TFEC: variants seen among roughly 807,000 people sequenced by gnomAD.
The protein encoded by TFEC is class E basic helix-loop-helix protein 34.
In TFEC, 31 loss-of-function variants were observed where a neutral mutation model predicts 41.6. The ratio of observed to expected loss-of-function variants is 0.74; its 90% CI spans 0.56 to 1.01. TFEC has a LOEUF of 1.01. TFEC is among the 50% of genes least tolerant of loss of function. TFEC has a pLI of 0.00. For missense variants in TFEC, 402 were observed against 404.1 expected (o/e 0.99, Z 0.04); for synonymous variants, 143 against 140.6 (o/e 1.02, Z -0.12).
intron 3 of TFEC, among the ~76,000 whole-genome samples, chr7:116,042,493 A>C (rs1796062821): frequency 6.6e-6 from 1 of 152,174 alleles, no homozygotes; most frequent in Non-Finnish European, 1.5e-5. Flanking sequence ...TGAAAGTAGA[A>C]CTTTGCAATT....
chr7:116,064,489 A>C (rs950608370), intron 3 of TFEC, among the ~76,000 whole-genome samples: 3 of 151,996 alleles, frequency 2.0e-5, no homozygotes, highest in Admixed American at 6.6e-5. Context: ...CCACAATAAT[A>C]AAGAAAAAAG....
intron 3 of TFEC, among the ~76,000 whole-genome samples, chr7:116,104,344 T>C (rs1797669045): frequency 6.6e-6 from 1 of 152,174 alleles, no homozygotes; most frequent in Non-Finnish European, 1.5e-5. Context: ...TATTAGATGC[T>C]GAGTCTCAGG....
intron 3 of TFEC, among the ~76,000 whole-genome samples, chr7:116,078,832 A>G (rs1310870019): frequency 6.6e-6 from 1 of 152,180 alleles, no homozygotes; most frequent in Non-Finnish European, 1.5e-5. Context: ...TCATTCTATG[A>G]AGTCAATATC....
At chr7:115,969,257 T>C (rs1347881047) in intron 3 of TFEC, among the ~76,000 whole-genome samples, 1 of 151,822 alleles carries the variant, frequency 6.6e-6, no homozygotes. Flanking sequence ...AAAATCCCTG[T>C]CTTCAAGGGG....
Position 116,127,090 on chromosome 7 carries a change from GTTTTTGT to G in TFEC, c.-68-15059_-68-15053del, listed in dbSNP as rs568486034. On this transcript the variant is annotated intron_variant, in intron 1 of 8. Transcript: ENST00000484212. ...AGTACATGTCTGGGCTTTGGTTTTTGTTTTTGTTTTTTGTTTTTTGTTTTTGAGACGG... is the reference window on the plus strand; with the variant it reads ...AGTACATGTCTGGGCTTTGGTTTTTGTTTTTGTTTTTTGTTTTTGAGACGG... Among the ~76,000 whole-genome samples, 305 of 149,346 alleles carry G rather than the reference GTTTTTGT, an allele frequency of 2.0e-3. 1 individual carries two copies. Among genetic ancestry groups the G allele is most frequent in the African/African-American group, 7.2e-3 (295 of 40,896 alleles).
At position 116,068,985 on chromosome 7, in the gene TFEC, A is replaced by C. The variant is rs374370376; in HGVS notation, c.198+41723T>G. Among the ~76,000 whole-genome samples, 23 of 151,858 alleles carry C rather than the reference A, an allele frequency of 1.5e-4. No individual in the cohort carries two copies. The East Asian group carries it at 2.9e-3, about 19-fold the overall frequency. ...GAACACAACTTGAAGAAAATAGAAA[A>C]CATAGGCAAATATGATTCTTTAAGA... is the stretch of plus-strand genomic sequence containing the variant. On this transcript the variant is annotated intron_variant, in intron 3 of 8. Transcript: ENST00000484212.
intron 3 of TFEC, among the ~76,000 whole-genome samples, chr7:116,088,229 C>CA (rs1327584095): frequency 4.6e-5 from 7 of 152,106 alleles, no homozygotes; most frequent in Non-Finnish European, 8.8e-5. Flanking sequence ...GACAACCACC[C>CA]ATCCCCACTC....
intron 3 of TFEC, among the ~76,000 whole-genome samples, chr7:116,093,938 AGGTTTTGGT>A (rs1174016139): frequency 6.6e-6 from 1 of 152,182 alleles, no homozygotes; most frequent in Non-Finnish European, 1.5e-5. Flanking sequence ...TTTGTGCATA[AGGTTTTGGT>A]GATTTTCCTT....
rs533825129 is a variant in TFEC, at chr7:116,001,444, G to A, written c.-72-16931C>T. 3.2e-4 allele frequency among the ~76,000 whole-genome samples: 49 copies of A among 150,998 alleles called. 1 individual carries two copies. The South Asian group carries it at 9.1e-3, about 28-fold the overall frequency. ...CTGGAGGCGGAAGTTGCAGTGAGCC[G>A]AGATCATGCCACTGCACTCCAGCCT... On this transcript the variant is annotated intron_variant, in intron 1 of 7. Coordinates refer to ENST00000265440, the MANE Select transcript of TFEC (RefSeq NM_012252.4).
chr7:116,020,115 G>C (rs896879751), intron 1 of TFEC, among the ~76,000 whole-genome samples: 9 of 152,172 alleles, frequency 5.9e-5, no homozygotes, highest in Non-Finnish European at 1.3e-4. Flanking sequence ...CATAATGCCT[G>C]AGAAAGTGGG....
intron 1 of TFEC, among the ~76,000 whole-genome samples, chr7:116,001,336 C>G (rs1351694010): frequency 6.6e-6 from 1 of 151,746 alleles, no homozygotes; most frequent in Non-Finnish European, 1.5e-5. Flanking sequence ...TATGAAACTA[C>G]TGAAAAAAAT....
intron 3 of TFEC, among the ~76,000 whole-genome samples, chr7:116,110,023 C>T (rs2116077717): frequency 6.6e-6 from 1 of 152,064 alleles, no homozygotes; most frequent in Non-Finnish European, 1.5e-5. Context: ...GGGAACTGAA[C>T]AATGAGAACA....
intron 3 of TFEC, among the ~76,000 whole-genome samples, chr7:116,098,030 CA>C (rs1277490853): frequency 2.0e-5 from 3 of 152,104 alleles, no homozygotes; most frequent in Admixed American, 6.5e-5. Context: ...CTGATCTAAA[CA>C]TATCAATCAA....
At chr7:116,156,752 GCTC>G (rs933769911) in intron 1 of TFEC, among the ~76,000 whole-genome samples, 1 of 152,102 alleles carries the variant, frequency 6.6e-6, no homozygotes, top group African/African-American at 2.4e-5. Flanking sequence ...AGAATGTGAG[GCTC>G]CTAATGTTTT....
intron 3 of TFEC, among the ~76,000 whole-genome samples, chr7:116,093,983 C>G (rs935552705): frequency 5.3e-5 from 8 of 152,078 alleles, no homozygotes; most frequent in Admixed American, 3.9e-4. Context: ...CCAGGCTGCA[C>G]AAATTTGAAA....
At position 116,096,375 on chromosome 7, in the gene TFEC, G is replaced by A. The variant is rs555583254; in HGVS notation, c.198+14333C>T. On this transcript the variant is annotated intron_variant, in intron 3 of 8. Coordinates refer to the TFEC transcript ENST00000484212. ...ATGAGCATAATCTGTCCTTAATGTC[G>A]TTTTCATTTGGTGACGAAATTAAAC... Among the ~76,000 whole-genome samples, 11 of 152,114 alleles carry A rather than the reference G, an allele frequency of 7.2e-5. 1 individual carries two copies. The South Asian group carries it at 8.3e-4, about 11-fold the overall frequency.
At chr7:116,090,632 G>C (rs2115816739) in intron 3 of TFEC, among the ~76,000 whole-genome samples, 1 of 152,068 alleles carries the variant, frequency 6.6e-6, no homozygotes, top group South Asian at 2.1e-4. Flanking sequence ...GAAAATACTA[G>C]AATGGTTACC....
Position 115,984,515 on chromosome 7 carries a change from T to C in TFEC, c.-72-2A>G. The C allele has an allele frequency of 1.9e-6, 3 of 1,613,206 alleles. No homozygotes were observed. Among genetic ancestry groups the C allele is most frequent in the Non-Finnish European group, 2.5e-6 (3 of 1,179,462 alleles). The stretch of plus-strand genomic sequence containing the variant: ...AGAACTTTCCAGGTGTGCTGGGACC[T>C]ACAAGATCAAAATTAAACAAATACA... On this transcript the variant is annotated splice_acceptor_variant, in intron 1 of 7. Coordinates refer to ENST00000265440, the MANE Select transcript of TFEC (RefSeq NM_012252.4). LOFTEE classifies it low-confidence loss of function (5UTR_SPLICE).
chr7:115,935,571 AT>A lies in TFEC; in HGVS notation c.*4979del, dbSNP rs1245512413. 1 of 151,770 alleles carries A rather than the reference AT, an allele frequency of 6.6e-6. No individual in the cohort carries two copies. The highest frequency in any genetic ancestry group is 2.4e-5 in the African/African-American group (1 of 41,418). The allele number at this position is 151,770 out of a possible 1,614,324, so 9.4% of individuals were successfully genotyped here. A position where few individuals can be genotyped will look rare whatever the true frequency, so the allele number is the denominator to read the frequency against. On this transcript the variant is annotated 3_prime_UTR_variant, in exon 8 of 8. Coordinates refer to ENST00000265440, the MANE Select transcript of TFEC (RefSeq NM_012252.4). The stretch of plus-strand genomic sequence containing the variant: ...AATTCAGTATCATATTTAAAGAACA[AT>A]ATGTAACTTCTTGATTATATATAAT...
Sources: allele counts gnomAD v4.1 joint callset (sites outside exome capture counted in the v4.1 genomes callset), GRCh38; gene constraint gnomAD v4.1.1; transcripts MANE v1.5; gene names NCBI Gene and HGNC (gene_info 2026-07-23, HGNC 2026-07-21).